Variants in KRTCAP2 observed in about 807,000 individuals in gnomAD.
KRTCAP2 encodes the protein dolichyl-diphosphooligosaccharide--protein glycosyltransferase subunit KCP2.
KRTCAP2 carries 10 observed loss-of-function variants against 16.5 expected under a neutral mutation model. The observed-to-expected ratio is 0.60, with a 90% CI of 0.37 to 1.02. KRTCAP2 has a LOEUF of 1.02. KRTCAP2 is among the 50% of genes least tolerant of loss of function. The pLI is 0.01. For missense variants in KRTCAP2, 152 were observed against 159.6 expected, an observed-to-expected ratio of 0.95 and a Z score of 0.26; for synonymous variants, 68 against 69.8, an observed-to-expected ratio of 0.97 and a Z score of 0.13.
Position 155,172,647 on chromosome 1 carries a change from G to C in KRTCAP2, c.160-19C>G. ...TGAAGGCCTGGTTGAGGGAGTTAAG[G>C]AGTAGGGTGTGCAACGGGGACAGAG... On this transcript the variant is annotated intron_variant, in intron 2 of 4. Coordinates refer to ENST00000295682, the MANE Select transcript of KRTCAP2 (RefSeq NM_173852.4). 1 of 1,614,200 alleles carries C rather than the reference G, an allele frequency of 6.2e-7. No individual in the cohort carries two copies.
intron 1 of KRTCAP2, 27 bp from the exon 2 acceptor site, chr1:155,172,919 G>C: frequency 6.2e-7 from 1 of 1,611,092 alleles, no homozygotes. Context: ...AAGGGACGGA[G>C]AGTCAGGCTC....
chr1:155,169,650 T>A, intron 4 of KRTCAP2, 90 bp from the exon 5 acceptor site: 1 of 1,504,050 alleles, frequency 6.6e-7, no homozygotes, highest in Non-Finnish European at 9.2e-7. Flanking sequence ...AAGGAAAGAA[T>A]CCAAGTTCAA....
In KRTCAP2 at chr1:155,169,437, GGGT is replaced by G; in HGVS notation, c.411_*2del. 6.2e-7 allele frequency: 1 copy of G among 1,613,760 alleles called. No homozygotes were observed. ...AAGAATCAACTTTATTGAACATTCA[GGGT>G]CAGTTTCTCTTCTTGCTCTTGCCTG... On this transcript the variant is annotated stop_lost and 3_prime_UTR_variant, in exon 5 of 5. Transcript: ENST00000295682.
intron 3 of KRTCAP2, chr1:155,171,432 AAAAG>A: frequency 1.0e-6 from 1 of 983,110 alleles, no homozygotes; most frequent in South Asian, 4.7e-5. Flanking sequence ...AAAAAAAAAA[AAAAG>A]AAGCAAGTGA....
intron 2 of KRTCAP2, 27 bp downstream of exon 2, chr1:155,172,711 C>G (rs756382909): frequency 6.2e-7 from 1 of 1,614,148 alleles, no homozygotes; most frequent in Non-Finnish European, 8.5e-7. Context: ...CTACGTGGCC[C>G]GCCCCCTCCA....
chr1:155,171,847 C>CAAAA (rs56344097), intron 3 of KRTCAP2: 61 of 657,220 alleles, frequency 9.3e-5, no homozygotes, highest in African/African-American at 1.5e-4. Context: ...AGCCTTGTCT[C>CAAAA]AAAAAAAAAA....
In KRTCAP2 at chr1:155,169,807, C is replaced by G. The variant is rs1450368546; in HGVS notation, c.274G>C (p.Val92Leu). 3.8e-6 allele frequency: 6 copies of G among 1,596,102 alleles called. No homozygotes were observed. Among genetic ancestry groups the G allele is most frequent in the Non-Finnish European group, 5.1e-6 (6 of 1,170,582 alleles). Residue 92 changes from valine (V) to leucine (L), a missense_variant, in exon 4 of 5, where the codon GTC (valine) becomes CTC (leucine). Val to Leu is a conservative substitution (Grantham distance 32, BLOSUM62 1). Transcript: ENST00000295682. ...AGAACATACCAGGTGGTGACACAGA[C>G]TCGGTGGATGAGGCCAGATGCAAAG... Reference protein sequence around the residue: ...ALFASGLIHRVCVTTCFIFSM... With the variant: ...ALFASGLIHRLCVTTCFIFSM...
intron 3 of KRTCAP2, chr1:155,172,157 G>A: frequency 9.6e-7 from 1 of 1,043,120 alleles, no homozygotes; most frequent in Non-Finnish European, 1.2e-6. Flanking sequence ...TAGTATTTAG[G>A]CTCTTCACAA....
intron 1 of KRTCAP2, 140 bp from the exon 2 acceptor site, chr1:155,173,032 C>G: frequency 9.8e-7 from 1 of 1,021,466 alleles, no homozygotes; most frequent in Non-Finnish European, 1.5e-6. Flanking sequence ...GCCCCAACTC[C>G]CCACACCGCG....
chr1:155,171,999 G>A, intron 3 of KRTCAP2: 1 of 988,564 alleles, frequency 1.0e-6, no homozygotes, highest in Non-Finnish European at 1.2e-6. Context: ...CACTTAATTT[G>A]CTTTATAAAC....
Position 155,172,577 on chromosome 1 carries a change from T to C in KRTCAP2, c.211A>G (p.Ile71Val), listed in dbSNP as rs749777798. Reference sequence around the variant, plus strand: ...AATATTCACTTACTCTCAGGGAAGATCTTTGCTTGGAATCCTTTGCCAAAG... The same window carrying C: ...AATATTCACTTACTCTCAGGGAAGACCTTTGCTTGGAATCCTTTGCCAAAG... Reference protein sequence around the residue: ...LVFGKGFQAKIFPEILLCLLL... With the variant: ...LVFGKGFQAKVFPEILLCLLL... The change falls in exon 3 of 5, where the codon ATC (isoleucine) becomes GTC (valine). Residue 71 changes from isoleucine to valine, a missense_variant. Coordinates refer to ENST00000295682, the MANE Select transcript of KRTCAP2 (RefSeq NM_173852.4). 1.2e-6 allele frequency: 2 copies of C among 1,614,218 alleles called. No homozygotes were observed. The highest frequency in any genetic ancestry group is 1.7e-6 in the Non-Finnish European group (2 of 1,180,036).
rs556637431 is a variant in KRTCAP2, at chr1:155,173,275, T to G, written c.-51A>C. On this transcript the variant is annotated 5_prime_UTR_variant, in exon 1 of 5. Transcript: ENST00000295682. ...GCGCCTCTGGCCAAGAAAGGCGAGC[T>G]GAACCGGGTGCGGTTAGCTATGCGC... The G allele has an allele frequency of 3.7e-6, 6 of 1,613,992 alleles. No homozygotes were observed. The highest frequency in any genetic ancestry group is 5.1e-6 in the Non-Finnish European group (6 of 1,180,008).
At position 155,172,605 on chromosome 1, in the gene KRTCAP2, A is replaced by G. The variant is rs1415249990; in HGVS notation, c.183T>C (p.Leu61=). ...SLTAFNNLEN[L]VFGKGFQAKI... ...TTGCTTGGAATCCTTTGCCAAAGAC[A>G]AGATTCTCCAGATTATTGAAGGCCT... The change falls in exon 3 of 5, where the codon CTT becomes CTC. Residue 61 remains leucine, a synonymous_variant. Transcript: ENST00000295682. The G allele has an allele frequency of 6.2e-7, 1 of 1,614,228 alleles. No individual in the cohort carries two copies. The highest frequency in any genetic ancestry group is 2.2e-5 in the East Asian group (1 of 44,884).
chr1:155,172,705 G>A (rs759691938), intron 2 of KRTCAP2, 33 bp downstream of exon 2: 4 of 1,614,200 alleles, frequency 2.5e-6, no homozygotes, highest in South Asian at 1.1e-5. Context: ...ACATGCCTAC[G>A]TGGCCCGCCC....
chr1:155,171,292 G>T (rs4971091), intron 3 of KRTCAP2: 71,606 of 188,128 alleles, frequency 0.38, 14,642 homozygotes, highest in East Asian at 0.78. Context: ...GGTGGCGCAC[G>T]CATGTAATCC....
chr1:155,173,275 TG>T lies in KRTCAP2; in HGVS notation c.-52del. ...GCGCCTCTGGCCAAGAAAGGCGAGC[TG>T]AACCGGGTGCGGTTAGCTATGCGCA... is the stretch of plus-strand genomic sequence containing the variant. On this transcript the variant is annotated 5_prime_UTR_variant, in exon 1 of 5. Transcript: ENST00000295682. 1 of 1,614,110 alleles carries T rather than the reference TG, an allele frequency of 6.2e-7. No homozygotes were observed. Among genetic ancestry groups the T allele is most frequent in the Non-Finnish European group, 8.5e-7 (1 of 1,180,000 alleles).
At chr1:155,170,600 C>T (rs1665210137) in intron 3 of KRTCAP2, 1 of 152,270 alleles carries the variant, frequency 6.6e-6, no homozygotes, top group Non-Finnish European at 1.5e-5. Context: ...GGCCTTGCTC[C>T]CTGGACACAG....
intron 3 of KRTCAP2, chr1:155,170,157 A>C (rs1665193309): frequency 4.7e-6 from 1 of 210,574 alleles, no homozygotes; most frequent in Non-Finnish European, 9.6e-6. Context: ...CCATCTCTTA[A>C]AAAAAAAAAA....
chr1:155,172,608 A>G lies in KRTCAP2; in HGVS notation c.180T>C (p.Asn60=). The change falls in exon 3 of 5, where the codon AAT becomes AAC. Residue 60 remains asparagine (N), a synonymous_variant. Coordinates refer to ENST00000295682, the MANE Select transcript of KRTCAP2 (RefSeq NM_173852.4). The stretch of plus-strand genomic sequence containing the variant: ...CTTGGAATCCTTTGCCAAAGACAAG[A>G]TTCTCCAGATTATTGAAGGCCTGGT... ...FSLTAFNNLE[N]LVFGKGFQAK... 2 of 1,614,244 alleles carry G rather than the reference A, an allele frequency of 1.2e-6. No homozygotes were observed. Among genetic ancestry groups the G allele is most frequent in the South Asian group, 2.2e-5 (2 of 91,090 alleles).
Sources: gnomAD v4.1 joint callset for allele counts on GRCh38, gnomAD v4.1.1 for gene constraint, MANE v1.5 for transcripts, NCBI Gene and HGNC (gene_info 2026-07-23, HGNC 2026-07-21) for gene names.